Variants in SF3A1 observed in about 807,000 individuals in gnomAD.
The protein encoded by SF3A1 is SAP 114.
A neutral mutation model predicts 89.9 loss-of-function variants in SF3A1; 13 were observed. The ratio of observed to expected loss-of-function variants is 0.14; its 90% CI spans 0.09 to 0.23. The LOEUF is 0.23. Ranked by LOEUF, SF3A1 falls within the 10% of genes least tolerant of loss-of-function variation. SF3A1 has a pLI of 1.00. For synonymous variants in SF3A1, 405 were observed against 374.4 expected (o/e 1.08, Z -0.94); for missense variants, 604 against 1,022.1 (o/e 0.59, Z 5.58).
chr22:30,354,410 T>TA (rs1210082988), intron 1 of SF3A1, among the ~76,000 whole-genome samples: 3 of 152,180 alleles, frequency 2.0e-5, no homozygotes, highest in African/African-American at 7.2e-5. Context: ...TCTCAACTCC[T>TA]AGGCCCCATT....
At chr22:30,346,620 C>A in intron 2 of SF3A1, 101 bp from the exon 3 acceptor site, 1 of 1,345,838 alleles carries the variant, frequency 7.4e-7, no homozygotes, top group Non-Finnish European at 1.0e-6. Flanking sequence ...CCACCCACTG[C>A]TCAAACCAGC....
intron 2 of SF3A1, among the ~76,000 whole-genome samples, chr22:30,348,082 C>T (rs1395125062): frequency 6.6e-6 from 1 of 152,224 alleles, no homozygotes; most frequent in African/African-American, 2.4e-5. Flanking sequence ...TGCGCTTAAG[C>T]GCCTTGGCCT....
chr22:30,336,885 G>T, intron 13 of SF3A1, 141 bp downstream of exon 13: 1 of 838,002 alleles, frequency 1.2e-6, no homozygotes, highest in South Asian at 1.6e-5. Context: ...GTGCTCAGAA[G>T]CCCTTAGATG....
rs374814048 is a variant in SF3A1, at chr22:30,341,662, G to A, written c.1071+30C>T. 4 of 1,596,094 alleles carry A rather than the reference G, an allele frequency of 2.5e-6. No homozygotes were observed. In the African/African-American group the frequency reaches 5.4e-5, roughly 21 times the overall value. On this transcript the variant is annotated intron_variant, in intron 7 of 15. Transcript: ENST00000215793. Reference sequence around the variant, plus strand: ...ACCTCCTGGGGCTTCAGGGGAAAAGGTCATCCTGCAGGCCTGCCCAGCAGC... The same window carrying A: ...ACCTCCTGGGGCTTCAGGGGAAAAGATCATCCTGCAGGCCTGCCCAGCAGC...
At chr22:30,344,910 C>A (rs1233651274) in intron 4 of SF3A1, 23 bp downstream of exon 4, 1 of 1,609,436 alleles carries the variant, frequency 6.2e-7, no homozygotes, top group East Asian at 2.2e-5. Context: ...GCCCAGGACC[C>A]CAGCCCCATC....
intron 12 of SF3A1, 46 bp from the exon 13 acceptor site, chr22:30,337,226 C>G (rs775482071): frequency 3.2e-6 from 5 of 1,547,628 alleles, no homozygotes; most frequent in Non-Finnish European, 2.6e-6. Context: ...CAGAAGGGGC[C>G]CAGGACTCAG....
At chr22:30,339,301 G>T in intron 9 of SF3A1, 50 bp from the exon 10 acceptor site, 4 of 1,607,152 alleles carry the variant, frequency 2.5e-6, no homozygotes, top group South Asian at 1.1e-5. Context: ...AAATAAACCA[G>T]GTGTCCTGAC....
intron 9 of SF3A1, 79 bp downstream of exon 9, chr22:30,340,117 G>C: frequency 1.5e-6 from 2 of 1,290,466 alleles, no homozygotes; most frequent in Non-Finnish European, 2.0e-6. Context: ...GACCTCAATT[G>C]TTGCTTTCTA....
Position 30,332,164 on chromosome 22 carries a change from C to T in SF3A1, c.*2430G>A, listed in dbSNP as rs1930938120. ...CATTCAAGTATATATCCTAACATAA[C>T]CCAATATAACCATTTAATATATTCT... On this transcript the variant is annotated 3_prime_UTR_variant, in exon 16 of 16. Transcript: ENST00000215793. 6.6e-6 allele frequency: 1 copy of T among 152,024 alleles called. No individual in the cohort carries two copies. The highest frequency in any genetic ancestry group is 2.4e-5 in the African/African-American group (1 of 41,354). The allele number at this position is 152,024 out of a possible 1,614,324, so 9.4% of individuals were successfully genotyped here.
chr22:30,339,300 AG>A (rs1284890409), intron 9 of SF3A1, 49 bp from the exon 10 acceptor site: 8 of 1,607,096 alleles, frequency 5.0e-6, no homozygotes, highest in Non-Finnish European at 5.9e-6. Flanking sequence ...AAAATAAACC[AG>A]GTGTCCTGAC....
At chr22:30,355,823 C>CG (rs1200828398) in intron 1 of SF3A1, among the ~76,000 whole-genome samples, 1 of 116,462 alleles carries the variant, frequency 8.6e-6, no homozygotes, top group Non-Finnish European at 1.7e-5. Context: ...GTTCCCCCCC[C>CG]CCGCCCCCCT....
chr22:30,344,799 G>A (rs1364821543), intron 4 of SF3A1, 134 bp downstream of exon 4: 1 of 994,474 alleles, frequency 1.0e-6, no homozygotes, highest in Admixed American at 2.3e-5. Context: ...CATTAAACTG[G>A]GATTCAAAAC....
Position 30,346,466 on chromosome 22 carries a change from T to C in SF3A1, c.239A>G (p.Lys80Arg). 14 of 1,614,150 alleles carry C rather than the reference T, an allele frequency of 8.7e-6. No homozygotes were observed. Among genetic ancestry groups the C allele is most frequent in the Non-Finnish European group, 1.1e-5 (13 of 1,180,032 alleles). Residue 80 changes from lysine (K) to arginine (R), a missense_variant, in exon 3 of 16, where the codon AAG (lysine) becomes AGG (arginine). By Grantham distance (26) the Lys-to-Arg change is conservative (BLOSUM62 2). Around this residue, in one of 9 missense-constraint regions of SF3A1, gnomAD observed 162 missense variants for 229.2 expected, o/e 0.71. Coordinates refer to ENST00000215793, the MANE Select transcript of SF3A1 (RefSeq NM_005877.6). ...RIRQNEINNP[K>R]FNFLNPNDPY... ...GTCATTGGGGTTCAGAAAGTTGAAC[T>C]TGGGGTTGTTGATCTCGTTCTGTCG...
intron 2 of SF3A1, 56 bp from the exon 3 acceptor site, chr22:30,346,575 C>G (rs1205512837): frequency 6.3e-7 from 1 of 1,589,592 alleles, no homozygotes; most frequent in East Asian, 2.2e-5. Context: ...CTGCTGTGAT[C>G]TAGAACACTG....
At position 30,334,386 on chromosome 22, in the gene SF3A1, G is replaced by C. The variant is rs1228558434; in HGVS notation, c.*208C>G. On this transcript the variant is annotated 3_prime_UTR_variant, in exon 16 of 16. Coordinates refer to ENST00000215793, the MANE Select transcript of SF3A1 (RefSeq NM_005877.6). ...CCCTAACACAAAGAGATTCCAGAGAGTGGCTTAGAAAACCCAGCTACTCTT... is the reference window on the plus strand; with the variant it reads ...CCCTAACACAAAGAGATTCCAGAGACTGGCTTAGAAAACCCAGCTACTCTT... 2 of 451,062 alleles carry C rather than the reference G, an allele frequency of 4.4e-6. No individual in the cohort carries two copies. Among genetic ancestry groups the C allele is most frequent in the African/African-American group, 4.2e-5 (2 of 47,944 alleles). 27.9% of individuals were successfully genotyped at this position (451,062 alleles called of 1,614,324 possible).
Position 30,340,724 on chromosome 22 carries a change from A to G in SF3A1, c.1160T>C (p.Val387Ala). ...PPPLPPTPDQ[V>A]IVRKDYDPKA... ...GGGATCATAATCCTTGCGGACAATG[A>G]CTTGGTCTGGAGTTGGGGGCAGAGG... Residue 387 changes from valine to alanine, a missense_variant, in exon 8 of 16, where the codon GTC becomes GCC. Transcript: ENST00000215793. 2 of 1,606,090 alleles carry G rather than the reference A, an allele frequency of 1.2e-6. No individual in the cohort carries two copies. The highest frequency in any genetic ancestry group is 1.7e-6 in the Non-Finnish European group (2 of 1,174,710).
At position 30,333,984 on chromosome 22, in the gene SF3A1, G is replaced by A. The variant is rs1930989761; in HGVS notation, c.*610C>T. The A allele has an allele frequency of 6.6e-6, 1 of 152,172 alleles. No homozygotes were observed. Among genetic ancestry groups the A allele is most frequent in the Non-Finnish European group, 1.5e-5 (1 of 68,034 alleles). The allele number at this position is 152,172 out of a possible 1,614,324, so 9.4% of individuals were successfully genotyped here. On this transcript the variant is annotated 3_prime_UTR_variant, in exon 16 of 16. Transcript: ENST00000215793. Reference sequence around the variant, plus strand: ...TATTACTGTTAAATACATGGGGCAGGCCTTTGGAGGATCCCAATGTTTTAA... The same window carrying A: ...TATTACTGTTAAATACATGGGGCAGACCTTTGGAGGATCCCAATGTTTTAA...
chr22:30,342,035 A>C, intron 6 of SF3A1, 150 bp from the exon 7 acceptor site: 1 of 1,157,314 alleles, frequency 8.6e-7, no homozygotes. Flanking sequence ...TATTGAATCT[A>C]AGTTGGGCAA....
intron 1 of SF3A1, among the ~76,000 whole-genome samples, chr22:30,355,081 G>A (rs1251711475): frequency 6.6e-6 from 1 of 151,962 alleles, no homozygotes; most frequent in East Asian, 1.9e-4. Flanking sequence ...CTGGAGTGCA[G>A]CGGCATGATC....
Sources: allele counts gnomAD v4.1 joint callset (sites outside exome capture counted in the v4.1 genomes callset), GRCh38; gene constraint gnomAD v4.1.1; regional missense constraint gnomAD v4.1.1; transcripts MANE v1.5; gene names NCBI Gene and HGNC (gene_info 2026-07-23, HGNC 2026-07-21).